The following NRXN1 variants were observed in gnomAD, a reference collection of about 807,000 sequenced individuals.
NRXN1 encodes neurexin-1.
A neutral mutation model predicts 150.9 loss-of-function variants in NRXN1; 39 were observed. The ratio of observed to expected loss-of-function variants is 0.26; its 90% CI spans 0.20 to 0.34. The LOEUF is 0.34. NRXN1 is among the 10% of genes least tolerant of loss of function. The pLI is 1.00. For missense variants in NRXN1, 1,815 were observed against 1,949.9 expected, an observed-to-expected ratio of 0.93 and a Z score of 1.30; for synonymous variants, 924 against 757.0, an observed-to-expected ratio of 1.22 and a Z score of -3.62.
chr2:50,106,227 C>A (rs1447358787), intron 18 of NRXN1, among the ~76,000 whole-genome samples: 4 of 151,650 alleles, frequency 2.6e-5, no homozygotes, highest in African/African-American at 9.7e-5. Context: ...TCTTTCTCCC[C>A]AAGCTTATAA....
chr2:50,156,941 A>T (rs2059058198), intron 18 of NRXN1, among the ~76,000 whole-genome samples: 1 of 152,034 alleles, frequency 6.6e-6, no homozygotes, highest in African/African-American at 2.4e-5. Context: ...AAGAACAATA[A>T]CAACTAATAT....
intron 17 of NRXN1, among the ~76,000 whole-genome samples, chr2:50,447,823 C>T (rs1008228909): frequency 1.5e-5 from 2 of 135,988 alleles, no homozygotes; most frequent in Non-Finnish European, 3.1e-5. Context: ...ATGGCTTCTT[C>T]AGTTGAAATA....
intron 17 of NRXN1, among the ~76,000 whole-genome samples, chr2:50,302,808 T>A (rs977513310): frequency 6.6e-6 from 1 of 152,182 alleles, no homozygotes; most frequent in African/African-American, 2.4e-5. Flanking sequence ...ATATTTTTAA[T>A]TGAATTTTAA....
At chr2:49,979,188 T>C (rs1355520502) in intron 21 of NRXN1, among the ~76,000 whole-genome samples, 2 of 152,128 alleles carry the variant, frequency 1.3e-5, no homozygotes, top group Non-Finnish European at 2.9e-5. Context: ...TCTCAGCTAC[T>C]TGAGAGGCTG....
intron 2 of NRXN1, among the ~76,000 whole-genome samples, chr2:51,019,401 T>G (rs979361173): frequency 6.6e-6 from 1 of 152,136 alleles, no homozygotes; most frequent in African/African-American, 2.4e-5. Flanking sequence ...GTAATTTTAA[T>G]AAAAACTACT....
intron 17 of NRXN1, among the ~76,000 whole-genome samples, chr2:50,443,210 T>C (rs1339317592): frequency 6.6e-6 from 1 of 152,098 alleles, no homozygotes; most frequent in Non-Finnish European, 1.5e-5. Context: ...ATATTGACAA[T>C]TCAAGGGGGG....
intron 18 of NRXN1, among the ~76,000 whole-genome samples, chr2:50,192,621 G>C (rs113757726): frequency 0.058 from 8,774 of 151,422 alleles, 304 homozygotes; most frequent in Middle Eastern, 0.11. Context: ...GGGGGGGGCG[G>C]TGGGGGACAG....
At chr2:50,421,762 G>C (rs1164882878) in intron 17 of NRXN1, among the ~76,000 whole-genome samples, 1 of 152,244 alleles carries the variant, frequency 6.6e-6, no homozygotes, top group South Asian at 2.1e-4. Flanking sequence ...GTTAAAAAGT[G>C]ATAAACTAGT....
At chr2:50,272,600 G>A (rs1270026582) in intron 17 of NRXN1, among the ~76,000 whole-genome samples, 1 of 152,076 alleles carries the variant, frequency 6.6e-6, no homozygotes, top group Non-Finnish European at 1.5e-5. Context: ...GAAAGTAAAA[G>A]TAGACTAAAA....
chr2:50,656,275 T>A (rs564144368), intron 5 of NRXN1: 1 of 681,330 alleles, frequency 1.5e-6, no homozygotes, highest in African/African-American at 1.8e-5. Flanking sequence ...AACCCACCCA[T>A]GAGAAATTAA....
intron 5 of NRXN1, among the ~76,000 whole-genome samples, chr2:50,720,193 C>T (rs1696453310): frequency 6.6e-6 from 1 of 151,986 alleles, no homozygotes; most frequent in Non-Finnish European, 1.5e-5. Context: ...TATTGTCTTT[C>T]AACTTTTTTT....
At chr2:50,949,075 T>C (rs1435785646) in intron 2 of NRXN1, among the ~76,000 whole-genome samples, 1 of 152,030 alleles carries the variant, frequency 6.6e-6, no homozygotes, top group Non-Finnish European at 1.5e-5. Context: ...CATTTGTTAA[T>C]AAGAAGACTG....
At chr2:50,655,211 A>G (rs372338994) in intron 5 of NRXN1, among the ~76,000 whole-genome samples, 1 of 152,006 alleles carries the variant, frequency 6.6e-6, no homozygotes, top group African/African-American at 2.4e-5. Flanking sequence ...ATACAGCTCT[A>G]TTTCCCTTTA....
intron 17 of NRXN1, among the ~76,000 whole-genome samples, chr2:50,350,318 A>G (rs979719339): frequency 3.9e-5 from 6 of 152,210 alleles, no homozygotes; most frequent in African/African-American, 1.4e-4. Flanking sequence ...ATTTAGGAAC[A>G]TTAGACAGCC....
At chr2:50,610,511 A>G (rs1487861092) in intron 8 of NRXN1, among the ~76,000 whole-genome samples, 1 of 150,504 alleles carries the variant, frequency 6.6e-6, no homozygotes, top group Non-Finnish European at 1.5e-5. Flanking sequence ...TTCATACCTC[A>G]CTTAGGAAGC....
At chr2:50,914,179 G>C (rs1420492759) in intron 5 of NRXN1, among the ~76,000 whole-genome samples, 1 of 151,654 alleles carries the variant, frequency 6.6e-6, no homozygotes, top group Non-Finnish European at 1.5e-5. Flanking sequence ...TGGACGCACT[G>C]ATAAGTCATC....
chr2:49,960,645 T>G (rs1573062816), intron 21 of NRXN1, among the ~76,000 whole-genome samples: 1 of 152,024 alleles, frequency 6.6e-6, no homozygotes, highest in Non-Finnish European at 1.5e-5. Flanking sequence ...CATCCTATAG[T>G]GGAAGAAAGA....
chr2:50,144,784 T>C (rs1707771382), intron 18 of NRXN1, among the ~76,000 whole-genome samples: 1 of 151,786 alleles, frequency 6.6e-6, no homozygotes, highest in African/African-American at 2.4e-5. Flanking sequence ...AAAAATCATA[T>C]TGGACGAGTT....
At chr2:50,505,757 C>T (rs945617385) in intron 13 of NRXN1, among the ~76,000 whole-genome samples, 1 of 152,160 alleles carries the variant, frequency 6.6e-6, no homozygotes, top group Non-Finnish European at 1.5e-5. Flanking sequence ...TGAACAGACA[C>T]GTATCCACTG....
Sources: gnomAD v4.1 joint callset for allele counts (sites outside exome capture counted in the v4.1 genomes callset) on GRCh38, gnomAD v4.1.1 for gene constraint, MANE v1.5 for transcripts, NCBI Gene and HGNC (gene_info 2026-07-23, HGNC 2026-07-21) for gene names.